CDC14A: variants seen among roughly 807,000 people sequenced by gnomAD.
The protein encoded by CDC14A is dual specificity protein phosphatase CDC14A.
A neutral mutation model predicts 74.4 loss-of-function variants in CDC14A; 53 were observed. That is an observed-to-expected ratio of 0.71 (90% CI 0.57 to 0.89). The LOEUF (loss-of-function observed/expected upper bound fraction) is 0.89. Ranked by LOEUF, CDC14A falls within the 40% of genes least tolerant of loss-of-function variation. The pLI is 0.00. For missense variants in CDC14A, 646 were observed against 713.7 expected, an observed-to-expected ratio of 0.91 and a Z score of 1.08; for synonymous variants, 247 against 258.4, an observed-to-expected ratio of 0.96 and a Z score of 0.43.
intron 4 of CDC14A, chr1:100,393,895 A>G: frequency 4.2e-6 from 1 of 235,576 alleles, no homozygotes; most frequent in Non-Finnish European, 8.3e-6. Flanking sequence ...GTGAGCCAAG[A>G]TTGCGCCACT....
At chr1:100,346,395 C>T (rs948564714) in intron 1 of CDC14A, among the ~76,000 whole-genome samples, 7 of 151,622 alleles carry the variant, frequency 4.6e-5, no homozygotes, top group Admixed American at 6.6e-5. Context: ...TTTGGGAGGT[C>T]GAGGCAGGAG....
intron 4 of CDC14A, among the ~76,000 whole-genome samples, chr1:100,400,949 T>A (rs1659179450): frequency 6.6e-6 from 1 of 152,182 alleles, no homozygotes; most frequent in Non-Finnish European, 1.5e-5. Flanking sequence ...TATATACACA[T>A]ACACAGCTGC....
At chr1:100,398,328 G>A (rs373273104) in intron 4 of CDC14A, among the ~76,000 whole-genome samples, 1 of 152,000 alleles carries the variant, frequency 6.6e-6, no homozygotes, top group African/African-American at 2.4e-5. Context: ...CCTGATGATC[G>A]GACAGCTACT....
At chr1:100,348,659 G>C (rs1339337307), upstream of CDC14A, among the ~76,000 whole-genome samples, 2 of 152,200 alleles carry the variant, frequency 1.3e-5, no homozygotes, top group African/African-American at 4.8e-5. Flanking sequence ...ATATTTATCT[G>C]GGGAAGACTA....
intron 9 of CDC14A, 121 bp from the exon 10 acceptor site, chr1:100,467,833 TAG>T: frequency 4.3e-6 from 4 of 922,920 alleles, no homozygotes; most frequent in Non-Finnish European, 4.8e-6. Flanking sequence ...TTATGTTTAT[TAG>T]CTGTTGATAA....
At chr1:100,402,267 C>T (rs1001647070) in intron 4 of CDC14A, among the ~76,000 whole-genome samples, 31 of 152,124 alleles carry the variant, frequency 2.0e-4, no homozygotes, top group African/African-American at 7.0e-4. Flanking sequence ...CTAGGCTTCA[C>T]CTGGCATTTA....
At chr1:100,352,003 TGCGCGCGC>T (rs370715549), upstream of CDC14A, among the ~76,000 whole-genome samples, 1 of 122,796 alleles carries the variant, frequency 8.1e-6, no homozygotes, top group Admixed American at 8.2e-5. Flanking sequence ...TGTGTGTGTG[TGCGCGCGC>T]GCGCGCCCTA....
intron 10 of CDC14A, among the ~76,000 whole-genome samples, chr1:100,481,574 C>G (rs2101344377): frequency 6.6e-6 from 1 of 152,242 alleles, no homozygotes. Flanking sequence ...CATAATAAGC[C>G]AAGTTATTTC....
intron 3 of CDC14A, among the ~76,000 whole-genome samples, chr1:100,378,826 T>G (rs1655668064): frequency 6.6e-6 from 1 of 152,192 alleles, no homozygotes; most frequent in African/African-American, 2.4e-5. Flanking sequence ...CTTGAAAAGA[T>G]ACATGTAAAT....
intron 4 of CDC14A, among the ~76,000 whole-genome samples, chr1:100,416,539 T>C (rs1353795856): frequency 6.6e-6 from 1 of 152,050 alleles, no homozygotes; most frequent in Non-Finnish European, 1.5e-5. Flanking sequence ...AATCAGAGGG[T>C]TGAACTAAAT....
intron 5 of CDC14A, among the ~76,000 whole-genome samples, chr1:100,428,363 A>G (rs1382769113): frequency 6.6e-6 from 1 of 152,150 alleles, no homozygotes; most frequent in Non-Finnish European, 1.5e-5. Flanking sequence ...ATTAAGAGTG[A>G]CTTTAGGTGA....
At chr1:100,491,664 C>T (rs1281370774) in intron 11 of CDC14A, among the ~76,000 whole-genome samples, 7 of 145,076 alleles carry the variant, frequency 4.8e-5, no homozygotes, top group African/African-American at 1.5e-4. Context: ...CTCTGCCTCC[C>T]GGGTTCAAGT....
intron 8 of CDC14A, among the ~76,000 whole-genome samples, chr1:100,461,205 A>C (rs958262732): frequency 6.6e-6 from 1 of 152,214 alleles, no homozygotes; most frequent in Non-Finnish European, 1.5e-5. Context: ...GAGGACAGGA[A>C]GAATTCCCTT....
At chr1:100,517,859 G>A (rs557407165) in intron 15 of CDC14A, among the ~76,000 whole-genome samples, 19 of 151,986 alleles carry the variant, frequency 1.3e-4, no homozygotes, top group Non-Finnish European at 2.8e-4. Context: ...TTAAATTTAA[G>A]GATATATCAT....
chr1:100,359,688 C>T (rs1056795184), intron 2 of CDC14A, among the ~76,000 whole-genome samples: 8 of 151,866 alleles, frequency 5.3e-5, no homozygotes, highest in Admixed American at 3.3e-4. Context: ...TTGTAGGACA[C>T]GTGAAAACGA....
At chr1:100,461,803 TA>T (rs35986415) in intron 8 of CDC14A, among the ~76,000 whole-genome samples, 1 of 152,168 alleles carries the variant, frequency 6.6e-6, no homozygotes, top group Non-Finnish European at 1.5e-5. Flanking sequence ...TATTTTTAAC[TA>T]AAAAAATTTA....
intron 4 of CDC14A, among the ~76,000 whole-genome samples, chr1:100,397,051 T>C (rs1426456614): frequency 6.6e-6 from 1 of 151,878 alleles, no homozygotes; most frequent in Non-Finnish European, 1.5e-5. Context: ...TTTTTAAAGC[T>C]CATCAGCTAT....
At chr1:100,454,931 T>C (rs1193683044) in intron 7 of CDC14A, among the ~76,000 whole-genome samples, 3 of 151,956 alleles carry the variant, frequency 2.0e-5, no homozygotes, top group African/African-American at 7.3e-5. Context: ...CCTCTAAAAA[T>C]CAGCATTGAC....
intron 3 of CDC14A, among the ~76,000 whole-genome samples, chr1:100,389,012 G>A (rs1440656347): frequency 6.6e-6 from 1 of 150,878 alleles, no homozygotes; most frequent in Non-Finnish European, 1.5e-5. Flanking sequence ...TCACCTCTAC[G>A]AAAAATACAA....
Sources: allele counts gnomAD v4.1 joint callset (sites outside exome capture counted in the v4.1 genomes callset), GRCh38; gene constraint gnomAD v4.1.1; transcripts MANE v1.5; gene names NCBI Gene and HGNC (gene_info 2026-07-23, HGNC 2026-07-21).